The following VIPR2 variants were observed in gnomAD, a reference collection of about 807,000 sequenced individuals.
VIPR2 encodes the protein vasoactive intestinal peptide receptor 2, also known as vasoactive intestinal polypeptide receptor 2.
In VIPR2, 48 loss-of-function variants were observed where a neutral mutation model predicts 58.0. That is an observed-to-expected ratio of 0.83 (90% confidence interval 0.66 to 1.05). The LOEUF (loss-of-function observed/expected upper bound fraction) is 1.05, where lower values mean the gene tolerates loss of function less well. Among genes scored for constraint, VIPR2 ranks in the 50% least tolerant of loss-of-function variants. The probability of loss-of-function intolerance (pLI) is 0.00; values close to 1 mark genes in which losing one functional copy is unlikely to be tolerated. For synonymous variants in VIPR2, 243 were observed against 235.2 expected, an observed-to-expected ratio of 1.03 and a Z score of -0.30; for missense variants, 534 against 558.0, an observed-to-expected ratio of 0.96 and a Z score of 0.43.
At chr7:159,103,734 C>A in intron 4 of VIPR2, 23 bp downstream of exon 4, 1 of 1,598,622 alleles carries the variant, frequency 6.3e-7, no homozygotes, top group Non-Finnish European at 8.6e-7. Flanking sequence ...ACCTCACCAC[C>A]GTAGCACCAC....
At position 159,043,057 on chromosome 7, in the gene VIPR2, C is replaced by A; in HGVS notation, c.575G>T (p.Cys192Phe). 6.2e-7 allele frequency: 1 copy of A among 1,614,104 alleles called. No homozygotes were observed. Among genetic ancestry groups the A allele is most frequent in the Non-Finnish European group, 8.5e-7 (1 of 1,179,988 alleles). Residue 192 changes from cysteine to phenylalanine, a missense_variant, in exon 6 of 13, where the codon TGC becomes TTC. This residue lies in a region of VIPR2 where 224 missense variants were observed against 255.7 expected (regional missense o/e 0.88). Coordinates refer to ENST00000262178, the MANE Select transcript of VIPR2 (RefSeq NM_003382.5). ...VLYSSSGTLH[C>F]PDQPSSWVGC... ...TACCCAGGAGGATGGCTGGTCAGGG[C>A]AGTGCAACGTGCCAGAGCTGGAGTA...
At chr7:159,033,446 C>A (rs1444641568) in intron 10 of VIPR2, among the ~76,000 whole-genome samples, 1 of 152,140 alleles carries the variant, frequency 6.6e-6, no homozygotes, top group Non-Finnish European at 1.5e-5. Flanking sequence ...CCACACCAAG[C>A]CAGTGTTTAG....
chr7:159,132,581 C>T (rs1796966567), intron 2 of VIPR2, among the ~76,000 whole-genome samples: 1 of 152,234 alleles, frequency 6.6e-6, no homozygotes, highest in African/African-American at 2.4e-5. Context: ...TCAGAAACTA[C>T]AGACCCAGAG....
chr7:159,050,165 C>T (rs1289839454), intron 5 of VIPR2, among the ~76,000 whole-genome samples: 2 of 151,762 alleles, frequency 1.3e-5, no homozygotes, highest in African/African-American at 2.4e-5. Flanking sequence ...GGTGAAACCC[C>T]GTCTCCACTA....
At chr7:159,143,350 C>T (rs898208708) in intron 1 of VIPR2, among the ~76,000 whole-genome samples, 1 of 152,124 alleles carries the variant, frequency 6.6e-6, no homozygotes, top group African/African-American at 2.4e-5. Context: ...CCCACCCATC[C>T]TTTTGGTCTT....
Position 159,142,505 on chromosome 7 carries a change from A to G in VIPR2, c.92T>C (p.Ile31Thr). 1.2e-6 allele frequency: 2 copies of G among 1,613,894 alleles called. No homozygotes were observed. Among genetic ancestry groups the G allele is most frequent in the Non-Finnish European group, 1.7e-6 (2 of 1,179,964 alleles). Residue 31 changes from isoleucine to threonine, a missense_variant, in exon 2 of 13, where the codon ATA becomes ACA. Physicochemically the swap from Ile to Thr is moderately conservative, Grantham distance 89 (BLOSUM62 -1). Transcript: ENST00000262178. Reference protein sequence around the residue: ...IHPECRFHLEIQEEETKCAEL... With the variant: ...IHPECRFHLETQEEETKCAEL... ...TGCACATTTTGTTTCTTCCTCCTGT[A>G]TTTCCAGATGAAATCGGCATTCTGG...
At chr7:159,142,150 G>A (rs4345505) in intron 2 of VIPR2, among the ~76,000 whole-genome samples, 6,395 of 152,236 alleles carry the variant, frequency 0.042, 460 homozygotes, top group African/African-American at 0.15. Context: ...AGCTGCTTTT[G>A]CAAAGCATAA....
chr7:159,037,313 C>T (rs1563259681), intron 6 of VIPR2, among the ~76,000 whole-genome samples: 1 of 152,168 alleles, frequency 6.6e-6, no homozygotes, highest in Non-Finnish European at 1.5e-5. Context: ...AGCAAAGAAC[C>T]AGAAGAGCCG....
intron 4 of VIPR2, among the ~76,000 whole-genome samples, chr7:159,081,690 A>G: frequency 6.6e-6 from 1 of 152,320 alleles, no homozygotes; most frequent in African/African-American, 2.4e-5. Flanking sequence ...CAACCTACAG[A>G]ATGGGAGAAA....
chr7:159,056,876 G>A (rs1200727579), intron 5 of VIPR2, among the ~76,000 whole-genome samples: 4 of 152,178 alleles, frequency 2.6e-5, no homozygotes, highest in Non-Finnish European at 5.9e-5. Context: ...CCCAAGCCTA[G>A]AGCTGCACAC....
chr7:159,039,995 A>C (rs1854224451), intron 6 of VIPR2, among the ~76,000 whole-genome samples: 1 of 152,242 alleles, frequency 6.6e-6, no homozygotes, highest in Non-Finnish European at 1.5e-5. Context: ...GCCCTGGCAC[A>C]TTCTGCTGAA....
At chr7:159,041,658 TGGGTCCTGAGGGTCTGTAAC>T (rs1464986377) in intron 6 of VIPR2, among the ~76,000 whole-genome samples, 1 of 118,508 alleles carries the variant, frequency 8.4e-6, no homozygotes, top group Non-Finnish European at 1.9e-5. Flanking sequence ...GGGTCCGTCA[TGGGTCCTGAGGGTCTGTAAC>T]GGGTCCTGAG....
chr7:159,033,195 T>G (rs1475626914), intron 10 of VIPR2, among the ~76,000 whole-genome samples: 1 of 152,204 alleles, frequency 6.6e-6, no homozygotes, highest in Non-Finnish European at 1.5e-5. Flanking sequence ...CAAAGTGACT[T>G]CCCTCAGGGC....
At chr7:159,059,418 A>G (rs761572769) in intron 4 of VIPR2, 1 of 460,658 alleles carries the variant, frequency 2.2e-6, no homozygotes, top group Non-Finnish European at 4.5e-6. Flanking sequence ...ATTTTTGTCA[A>G]GAGGCCCTAA....
Position 159,031,702 on chromosome 7 carries a change from G to A in VIPR2, c.1143+126C>T, listed in dbSNP as rs533645547. On this transcript the variant is annotated intron_variant, in intron 12 of 12. Coordinates refer to ENST00000262178, the MANE Select transcript of VIPR2 (RefSeq NM_003382.5). The surrounding 1 kb of genome is among the most constrained non-coding windows in gnomAD (Gnocchi z 4.0). Reference sequence around the variant, plus strand: ...TCTCTGATGGGGACACAGAACTGTGGGGTCCCGGGCAGTAACTCGAGCCCG... The same window carrying A: ...TCTCTGATGGGGACACAGAACTGTGAGGTCCCGGGCAGTAACTCGAGCCCG... The A allele has an allele frequency of 2.5e-5, 39 of 1,552,040 alleles. 1 individual carries two copies. In the South Asian group the frequency reaches 3.8e-4, roughly 15 times the overall value.
intron 6 of VIPR2, among the ~76,000 whole-genome samples, chr7:159,040,995 TCA>T (rs916912303): frequency 5.3e-5 from 8 of 152,190 alleles, no homozygotes; most frequent in African/African-American, 1.7e-4. Context: ...CCCTCTGTCC[TCA>T]CAGAGCTTGA....
At position 159,046,211 on chromosome 7, in the gene VIPR2, T is replaced by C. The variant is rs927820339; in HGVS notation, c.456-3035A>G. 2.6e-5 allele frequency among the ~76,000 whole-genome samples: 4 copies of C among 152,176 alleles called. No homozygotes were observed. In the South Asian group the frequency reaches 8.3e-4, roughly 32 times the overall value. On this transcript the variant is annotated intron_variant, in intron 5 of 12. Transcript: ENST00000262178. The stretch of plus-strand genomic sequence containing the variant: ...ACAATATGCCCCAGAATTCCACTTG[T>C]AGGTATACGCTCCAAAGAGTTGGAA...
rs1201211316 is a variant in VIPR2 at position 159,127,122 on chromosome 7, G to A, written c.151+15324C>T. ...TGCAGAGGATACTTTACAGCAAGCC[G>A]GATTTTCTTCAGATGACTCAGATAC... is the stretch of plus-strand genomic sequence containing the variant. On this transcript the variant is annotated intron_variant, in intron 2 of 12. Coordinates refer to ENST00000262178, the MANE Select transcript of VIPR2 (RefSeq NM_003382.5). The surrounding 1 kb of genome is among the most constrained non-coding windows in gnomAD (Gnocchi z 4.6). 4.6e-5 allele frequency among the ~76,000 whole-genome samples: 7 copies of A among 152,296 alleles called. No individual in the cohort carries two copies. The South Asian group carries it at 1.5e-3, about 32-fold the overall frequency.
At chr7:159,059,182 C>T (rs1855491575) in intron 4 of VIPR2, 2 of 467,494 alleles carry the variant, frequency 4.3e-6, no homozygotes, top group South Asian at 3.1e-5. Context: ...ATCATGGTGG[C>T]AGAATCACAG....
Sources: allele counts gnomAD v4.1 joint callset (sites outside exome capture counted in the v4.1 genomes callset), GRCh38; gene constraint gnomAD v4.1.1; regional missense constraint gnomAD v4.1.1; non-coding constraint Gnocchi (gnomAD v3.1); transcripts MANE v1.5; gene names NCBI Gene and HGNC (gene_info 2026-07-23, HGNC 2026-07-21).